MYO6: variants seen among roughly 807,000 people sequenced by gnomAD.
MYO6 encodes unconventional myosin-VI.
MYO6 carries 74 observed loss-of-function variants against 178.7 expected under a neutral mutation model. The observed-to-expected ratio is 0.41, with a 90% confidence interval of 0.34 to 0.50. The LOEUF (loss-of-function observed/expected upper bound fraction) is 0.50, where lower values mean the gene tolerates loss of function less well. Among genes scored for constraint, MYO6 ranks in the 20% least tolerant of loss-of-function variants. The pLI is 0.09. For missense variants in MYO6, 1,330 were observed against 1,547.4 expected, an observed-to-expected ratio of 0.86 and a Z score of 2.36; for synonymous variants, 477 against 504.6, an observed-to-expected ratio of 0.95 and a Z score of 0.73.
chr6:75,822,900 T>C, intron 3 of MYO6, 49 bp downstream of exon 3: 1 of 1,437,504 alleles, frequency 7.0e-7, no homozygotes, highest in South Asian at 1.1e-5. Context: ...AGGAGACTGT[T>C]CTTTTAAAAA....
intron 3 of MYO6, among the ~76,000 whole-genome samples, chr6:75,827,565 A>G (rs1168030841): frequency 2.0e-5 from 3 of 152,114 alleles, no homozygotes; most frequent in African/African-American, 7.2e-5. Context: ...AGAAGTCTGG[A>G]TTAGAGAGGA....
At chr6:75,769,340 A>T (rs1778713900) in intron 1 of MYO6, among the ~76,000 whole-genome samples, 1 of 152,040 alleles carries the variant, frequency 6.6e-6, no homozygotes, top group African/African-American at 2.4e-5. Context: ...ATCTCCTTCC[A>T]CCCATGAGCC....
chr6:75,805,233 A>G (rs1286418038), intron 1 of MYO6, among the ~76,000 whole-genome samples: 1 of 151,650 alleles, frequency 6.6e-6, no homozygotes, highest in Non-Finnish European at 1.5e-5. Flanking sequence ...CGTGTTAGCC[A>G]GGCTGGTCTC....
chr6:75,915,291 A>G lies in MYO6; in HGVS notation c.*279A>G, dbSNP rs181084120. The G allele has an allele frequency of 4.1e-5, 19 of 469,098 alleles. No individual in the cohort carries two copies. Among genetic ancestry groups the G allele is most frequent in the Admixed American group, 2.4e-4 (7 of 29,462 alleles). The allele number at this position is 469,098 out of a possible 1,614,324, so 29.1% of individuals were successfully genotyped here. ...ATTCTGATGTTTCTCATCCTTTGCC[A>G]GAAGACTACCTTACATCCATCGTAA... On this transcript the variant is annotated 3_prime_UTR_variant, in exon 35 of 35. Coordinates refer to ENST00000369977, the MANE Select transcript of MYO6 (RefSeq NM_004999.4).
rs1192609795 is a variant in MYO6, at chr6:75,916,431, T to G, written c.*1419T>G. ...GTAGAGAAATATTTATTTATTATGA[T>G]ACATTCAAATGATTGTCAAGTTAAA... is the stretch of plus-strand genomic sequence containing the variant. On this transcript the variant is annotated 3_prime_UTR_variant, in exon 35 of 35. Coordinates refer to ENST00000369977, the MANE Select transcript of MYO6 (RefSeq NM_004999.4). 1 of 152,646 alleles carries G rather than the reference T, an allele frequency of 6.6e-6. No individual in the cohort carries two copies. The highest frequency in any genetic ancestry group is 1.5e-5 in the Non-Finnish European group (1 of 68,030). 9.5% of individuals were successfully genotyped at this position (152,646 alleles called of 1,614,324 possible). A position where few individuals can be genotyped will look rare whatever the true frequency, so the allele number is the denominator to read the frequency against.
Position 75,832,876 on chromosome 6 carries a change from G to A in MYO6, c.426G>A (p.Lys142=). The A allele has an allele frequency of 5.6e-6, 9 of 1,614,088 alleles. No individual in the cohort carries two copies. Among genetic ancestry groups the A allele is most frequent in the Non-Finnish European group, 7.6e-6 (9 of 1,179,954 alleles). The change falls in exon 6 of 35, where the codon AAG becomes AAA. Residue 142 remains lysine (K), a synonymous_variant. Coordinates refer to ENST00000369977, the MANE Select transcript of MYO6 (RefSeq NM_004999.4). ...DKAFRDMKVL[K]MSQSIIVSGE... ...CTTTTCGAGACATGAAGGTGCTCAA[G>A]ATGAGTCAGTCTATCATTGTATCTG...
chr6:75,887,127 A>G lies in MYO6; in HGVS notation c.2658+133A>G, dbSNP rs111493322. 14,372 of 789,510 alleles carry G rather than the reference A, an allele frequency of 0.018. 200 individuals carry two copies. Among genetic ancestry groups the G allele is most frequent in the South Asian group, 0.038 (2,213 of 58,758 alleles). 48.9% of individuals were successfully genotyped at this position (789,510 alleles called of 1,614,324 possible). A position where few individuals can be genotyped will look rare whatever the true frequency, so the allele number is the denominator to read the frequency against. ...AATGTGTTGAGACTCAATGATGGCA[A>G]GTACATGCTCATCATTATTACCTCT... On this transcript the variant is annotated intron_variant, in intron 25 of 34. Coordinates refer to ENST00000369977, the MANE Select transcript of MYO6 (RefSeq NM_004999.4).
intron 20 of MYO6, among the ~76,000 whole-genome samples, chr6:75,879,492 A>C (rs1301445507): frequency 6.6e-6 from 1 of 151,128 alleles, no homozygotes; most frequent in African/African-American, 2.4e-5. Flanking sequence ...CCTAGGCTCA[A>C]GCAGTTTGCC....
At chr6:75,836,824 C>T (rs1481239971) in intron 7 of MYO6, among the ~76,000 whole-genome samples, 1 of 152,130 alleles carries the variant, frequency 6.6e-6, no homozygotes, top group African/African-American at 2.4e-5. Context: ...CTCAAGTGAT[C>T]CACCCGCCTT....
At chr6:75,845,509 A>G (rs1228160046) in intron 10 of MYO6, among the ~76,000 whole-genome samples, 1 of 151,960 alleles carries the variant, frequency 6.6e-6, no homozygotes, top group Non-Finnish European at 1.5e-5. Flanking sequence ...CCTGGGCAAC[A>G]TAGTGAAACC....
chr6:75,865,509 C>CA (rs1437420380), intron 16 of MYO6, among the ~76,000 whole-genome samples: 5 of 151,150 alleles, frequency 3.3e-5, no homozygotes, highest in Non-Finnish European at 7.4e-5. Context: ...GACTGCAGGC[C>CA]TGCTCCACCA....
intron 14 of MYO6, among the ~76,000 whole-genome samples, chr6:75,859,818 G>A (rs1401471658): frequency 6.6e-6 from 1 of 151,780 alleles, no homozygotes; most frequent in African/African-American, 2.4e-5. Flanking sequence ...CGCCACCATG[G>A]CCGGCTAATT....
Position 75,876,343 on chromosome 6 carries a change from C to T in MYO6, c.2077+3043C>T, listed in dbSNP as rs534209724. Among the ~76,000 whole-genome samples, 8 of 152,268 alleles carry T rather than the reference C, an allele frequency of 5.3e-5. No individual in the cohort carries two copies. In the South Asian group the frequency reaches 1.7e-3, roughly 32 times the overall value. The stretch of plus-strand genomic sequence containing the variant: ...CTGCATCTGTTTTGGCTTACACATA[C>T]ATTCCTATTTCCCTGGCATATACTA... On this transcript the variant is annotated intron_variant, in intron 20 of 34. Coordinates refer to ENST00000369977, the MANE Select transcript of MYO6 (RefSeq NM_004999.4).
chr6:75,874,354 T>C (rs1344556583), intron 20 of MYO6, among the ~76,000 whole-genome samples: 1 of 152,214 alleles, frequency 6.6e-6, no homozygotes, highest in Admixed American at 6.5e-5. Flanking sequence ...CGTCATTATC[T>C]TTAAAGGGCT....
At chr6:75,815,679 C>T (rs1048446893) in intron 1 of MYO6, among the ~76,000 whole-genome samples, 8 of 152,208 alleles carry the variant, frequency 5.3e-5, no homozygotes, top group South Asian at 2.1e-4. Flanking sequence ...ACTGCATAGA[C>T]GACATCAACC....
In MYO6 at chr6:75,817,781, T is replaced by G. The variant is rs878901703; in HGVS notation, c.117+117T>G. The G allele has an allele frequency of 1.5e-4, 133 of 909,436 alleles. 2 individuals carry two copies. In the South Asian group the frequency reaches 1.8e-3, roughly 12 times the overall value. The allele number at this position is 909,436 out of a possible 1,614,324, so 56.3% of individuals were successfully genotyped here. A position where few individuals can be genotyped will look rare whatever the true frequency, so the allele number is the denominator to read the frequency against. On this transcript the variant is annotated intron_variant, in intron 2 of 34. Transcript: ENST00000369977. ...GATATTTGGGAAAGCATATTTCTGG[T>G]AAGTGAGTCTGTTTTCTCCTGACTT...
In MYO6 at chr6:75,915,083, T is replaced by A; in HGVS notation, c.*71T>A. 1 of 1,355,352 alleles carries A rather than the reference T, an allele frequency of 7.4e-7. No homozygotes were observed. The highest frequency in any genetic ancestry group is 1.0e-6 in the Non-Finnish European group (1 of 968,574). 84.0% of individuals were successfully genotyped at this position (1,355,352 alleles called of 1,614,324 possible). ...TAGGTAGGGTGTGTGCCCCCAGATT[T>A]AACCATTCCATAATCATGTTAGAGT... On this transcript the variant is annotated 3_prime_UTR_variant, in exon 35 of 35. Transcript: ENST00000369977.
chr6:75,850,677 A>G (rs945911151), intron 11 of MYO6, among the ~76,000 whole-genome samples: 1 of 152,236 alleles, frequency 6.6e-6, no homozygotes, highest in African/African-American at 2.4e-5. Context: ...TTTACCACAT[A>G]CTGTCTGTAT....
intron 1 of MYO6, among the ~76,000 whole-genome samples, chr6:75,766,296 G>T (rs374915882): frequency 6.6e-6 from 1 of 151,836 alleles, no homozygotes; most frequent in Non-Finnish European, 1.5e-5. Flanking sequence ...GTGCTCCAGC[G>T]TGGGTAAAAG....
Sources: gnomAD v4.1 joint callset for allele counts (sites outside exome capture counted in the v4.1 genomes callset) on GRCh38, gnomAD v4.1.1 for gene constraint, MANE v1.5 for transcripts, NCBI Gene and HGNC (gene_info 2026-07-23, HGNC 2026-07-21) for gene names.